SAMMSON: variants seen among roughly 807,000 people sequenced by gnomAD.
SAMMSON encodes long intergenic non-protein coding RNA 1212.
At chr3:70,042,380 T>C (rs987647386) in intron 3 of SAMMSON, among the ~76,000 whole-genome samples, 11 of 152,114 alleles carry the variant, frequency 7.2e-5, no homozygotes, top group African/African-American at 2.7e-4. Flanking sequence ...AGTATTGTTT[T>C]TCCATGAATG....
intron 4 of SAMMSON, among the ~76,000 whole-genome samples, chr3:70,092,463 A>G (rs1340728804): frequency 6.8e-6 from 1 of 147,898 alleles, no homozygotes; most frequent in Admixed American, 6.7e-5. Flanking sequence ...TTTTTTTATA[A>G]AGCTTTCGTC....
chr3:70,392,456 G>T (rs1015252900), downstream of SAMMSON, among the ~76,000 whole-genome samples: 1 of 152,152 alleles, frequency 6.6e-6, no homozygotes, highest in African/African-American at 2.4e-5. Context: ...GAAAGATTCA[G>T]TAATGACAGA....
In SAMMSON at chr3:70,168,782, T is replaced by A. The variant is rs936145217; in HGVS notation, n.508-80325T>A. Among the ~76,000 whole-genome samples the A allele has an allele frequency of 5.3e-5, 8 of 152,038 alleles. No homozygotes were observed. In the South Asian group the frequency reaches 8.3e-4, roughly 16 times the overall value. On this transcript the variant is annotated intron_variant and non_coding_transcript_variant, in intron 4 of 9. Coordinates refer to ENST00000642114, the Ensembl canonical transcript of SAMMSON. Reference sequence around the variant, plus strand: ...TTATTAGCATATACCTTGCTTATTATGTTTCTCATCATTGTAATTTCTTGT... The same window carrying A: ...TTATTAGCATATACCTTGCTTATTAAGTTTCTCATCATTGTAATTTCTTGT...
intron 4 of SAMMSON, among the ~76,000 whole-genome samples, chr3:70,098,614 G>A (rs1039460754): frequency 9.2e-5 from 14 of 151,956 alleles, no homozygotes; most frequent in South Asian, 4.1e-4. Context: ...TGATCCACCC[G>A]CCTCGGCCTC....
At chr3:70,318,810 T>G (rs949443806) in intron 7 of SAMMSON, among the ~76,000 whole-genome samples, 9 of 152,034 alleles carry the variant, frequency 5.9e-5, no homozygotes, top group Non-Finnish European at 1.0e-4. Flanking sequence ...ACCTTTTGAT[T>G]CTTCCAGGTT....
intron 2 of SAMMSON, among the ~76,000 whole-genome samples, chr3:70,427,743 A>AG (rs997096722): frequency 6.6e-6 from 1 of 151,924 alleles, no homozygotes; most frequent in Non-Finnish European, 1.5e-5. Context: ...GTCTCAAAAA[A>AG]AAAAAAAAAA....
chr3:70,022,650 C>G (rs991857942), intron 3 of SAMMSON, among the ~76,000 whole-genome samples: 2 of 152,052 alleles, frequency 1.3e-5, no homozygotes, highest in African/African-American at 4.8e-5. Context: ...GAAATAAAGT[C>G]CCTTTGGACT....
chr3:70,045,016 AAT>A (rs2067119212), intron 3 of SAMMSON, among the ~76,000 whole-genome samples: 1 of 129,604 alleles, frequency 7.7e-6, no homozygotes, highest in African/African-American at 2.9e-5. Context: ...ATATATATAT[AAT>A]TAATTATAAT....
chr3:70,319,170 C>G (rs1702517748), intron 7 of SAMMSON, among the ~76,000 whole-genome samples: 1 of 152,060 alleles, frequency 6.6e-6, no homozygotes, highest in African/African-American at 2.4e-5. Flanking sequence ...CTCCATAACC[C>G]TACACTGCAA....
intron 3 of SAMMSON, among the ~76,000 whole-genome samples, chr3:70,017,119 T>G (rs569530695): frequency 6.6e-6 from 1 of 152,194 alleles, no homozygotes; most frequent in African/African-American, 2.4e-5. Context: ...TCCAATTCTG[T>G]GAAGAAAGTC....
At chr3:70,395,564 C>T (rs1002277801) in intron 2 of SAMMSON, among the ~76,000 whole-genome samples, 1 of 152,072 alleles carries the variant, frequency 6.6e-6, no homozygotes, top group African/African-American at 2.4e-5. Flanking sequence ...GGTTATTACT[C>T]CTGCCACAGT....
chr3:70,109,896 A>G (rs2067381516), intron 4 of SAMMSON, among the ~76,000 whole-genome samples: 1 of 152,194 alleles, frequency 6.6e-6, no homozygotes, highest in African/African-American at 2.4e-5. Context: ...TTGTTTAGCA[A>G]ATATTTATTG....
At chr3:70,290,667 C>T (rs1202222818) in intron 6 of SAMMSON, among the ~76,000 whole-genome samples, 3 of 152,098 alleles carry the variant, frequency 2.0e-5, no homozygotes, top group South Asian at 2.1e-4. Context: ...GCCTCGCTGC[C>T]GCCTTGCAGT....
At chr3:70,343,504 A>C (rs1702727181) in intron 7 of SAMMSON, among the ~76,000 whole-genome samples, 1 of 152,112 alleles carries the variant, frequency 6.6e-6, no homozygotes, top group Non-Finnish European at 1.5e-5. Context: ...AGATTTTCTC[A>C]TGAGTAGATT....
chr3:70,275,509 C>T (rs1444348729), intron 6 of SAMMSON, among the ~76,000 whole-genome samples: 1 of 152,030 alleles, frequency 6.6e-6, no homozygotes, highest in Admixed American at 6.6e-5. Context: ...AAAGCAAGAC[C>T]CTGTCTCAAA....
Position 70,309,758 on chromosome 3 carries a change from G to T in SAMMSON, n.739+18515G>T, listed in dbSNP as rs541652392. Among the ~76,000 whole-genome samples, 14 of 152,248 alleles carry T rather than the reference G, an allele frequency of 9.2e-5. No homozygotes were observed. The South Asian group carries it at 2.1e-3, about 23-fold the overall frequency. ...TTAAGATGTTGTCATCTAGCATCTG[G>T]CTCAATTTCCTTTTATGAAATATAG... is the stretch of plus-strand genomic sequence containing the variant. On this transcript the variant is annotated intron_variant and non_coding_transcript_variant, in intron 7 of 9. Transcript: ENST00000642114.
At chr3:70,210,258 T>C (rs1701330316) in intron 4 of SAMMSON, among the ~76,000 whole-genome samples, 11 of 152,174 alleles carry the variant, frequency 7.2e-5, no homozygotes, top group Admixed American at 7.2e-4. Flanking sequence ...CACACTAGGC[T>C]TGTACTGAGA....
At chr3:70,426,460 A>G (rs1701369802) in intron 2 of SAMMSON, among the ~76,000 whole-genome samples, 1 of 152,230 alleles carries the variant, frequency 6.6e-6, no homozygotes, top group Admixed American at 6.5e-5. Context: ...GGTACTTCAA[A>G]GTATGCAAGG....
At chr3:70,051,134 C>CAAAAAAAAAAAAAAAAAAAAAAA (rs71126477) in intron 3 of SAMMSON, among the ~76,000 whole-genome samples, 2 of 45,234 alleles carry the variant, frequency 4.4e-5, no homozygotes, top group Non-Finnish European at 8.1e-5. Flanking sequence ...TACTCCATCT[C>CAAAAAAAAAAAAAAAAAAAAAAA]AAAAAAAAAA....
Sources: gnomAD v4.1 joint callset for allele counts (sites outside exome capture counted in the v4.1 genomes callset) on GRCh38, gnomAD v4.1.1 for gene constraint, MANE v1.5 for transcripts, NCBI Gene and HGNC (gene_info 2026-07-23, HGNC 2026-07-21) for gene names.